PIK3C2G: variants seen among roughly 807,000 people sequenced by gnomAD.
PIK3C2G encodes the protein phosphatidylinositol 3-kinase C2 domain-containing subunit gamma.
A neutral mutation model predicts 181.1 loss-of-function variants in PIK3C2G; 168 were observed. That is an observed-to-expected ratio of 0.93 (90% CI 0.82 to 1.05). PIK3C2G has a LOEUF of 1.05. Ranked by LOEUF, PIK3C2G falls within the 50% of genes least tolerant of loss-of-function variation. PIK3C2G has a pLI of 0.00. For synonymous variants in PIK3C2G, 573 were observed against 592.2 expected, an observed-to-expected ratio of 0.97 and a Z score of 0.47; for missense variants, 1,869 against 1,732.8, an observed-to-expected ratio of 1.08 and a Z score of -1.40.
chr12:18,702,190 T>A, the PIK3C2G span, among the ~76,000 whole-genome samples: 9 of 152,196 alleles, frequency 5.9e-5, no homozygotes, highest in Non-Finnish European at 1.0e-4. Context: ...TGAAATCAGG[T>A]ATATTAAAAT....
intron 16 of PIK3C2G, among the ~76,000 whole-genome samples, chr12:18,413,883 T>C (rs953146970): frequency 2.0e-5 from 3 of 152,140 alleles, no homozygotes; most frequent in Non-Finnish European, 4.4e-5. Context: ...CACACCAAAG[T>C]CAGAGAAATA....
upstream of PIK3C2G, among the ~76,000 whole-genome samples, chr12:18,260,048 A>T (rs1948195632): frequency 6.6e-6 from 1 of 152,142 alleles, no homozygotes; most frequent in Non-Finnish European, 1.5e-5. Context: ...TACAAGGTAC[A>T]TTTTTGTACC....
At chr12:18,520,644 T>C (rs1942848732) in intron 24 of PIK3C2G, among the ~76,000 whole-genome samples, 1 of 152,180 alleles carries the variant, frequency 6.6e-6, no homozygotes, top group Admixed American at 6.5e-5. Flanking sequence ...TTAGCTTCTT[T>C]GCATTGGGTT....
chr12:18,382,939 C>A (rs1373764084), intron 14 of PIK3C2G, among the ~76,000 whole-genome samples: 1 of 152,070 alleles, frequency 6.6e-6, no homozygotes, highest in Non-Finnish European at 1.5e-5. Context: ...CACACTCTTG[C>A]AGAGGAAGAT....
At chr12:18,271,939 T>C (rs1948762756) in intron 1 of PIK3C2G, among the ~76,000 whole-genome samples, 1 of 152,162 alleles carries the variant, frequency 6.6e-6, no homozygotes, top group South Asian at 2.1e-4. Context: ...TAATGTGCTA[T>C]TAGAAATTGA....
At chr12:18,503,195 C>A in intron 22 of PIK3C2G, 86 bp from the exon 23 acceptor site, 2 of 960,886 alleles carry the variant, frequency 2.1e-6, no homozygotes, top group East Asian at 2.6e-5. Context: ...TCCAGTAGTG[C>A]TGGAAGCTAT....
chr12:18,395,000 C>T (rs1317776503), intron 15 of PIK3C2G, among the ~76,000 whole-genome samples: 1 of 148,022 alleles, frequency 6.8e-6, no homozygotes, highest in Admixed American at 6.7e-5. Flanking sequence ...TCTTTTCTTT[C>T]TCTTTCTTTC....
downstream of PIK3C2G, among the ~76,000 whole-genome samples, chr12:18,648,684 G>T (rs1205816916): frequency 6.6e-6 from 1 of 151,818 alleles, no homozygotes; most frequent in Non-Finnish European, 1.5e-5. Flanking sequence ...GTTATGCCTG[G>T]ACTCCAAGAT....
At chr12:18,575,859 T>A (rs1946208812) in intron 29 of PIK3C2G, among the ~76,000 whole-genome samples, 1 of 152,240 alleles carries the variant, frequency 6.6e-6, no homozygotes, top group Admixed American at 6.5e-5. Flanking sequence ...CTCTTACCAA[T>A]GTTTATTAGT....
the PIK3C2G span, among the ~76,000 whole-genome samples, chr12:18,725,762 T>A: frequency 6.6e-6 from 1 of 152,254 alleles, no homozygotes; most frequent in African/African-American, 2.4e-5. Context: ...ATGGTACCTA[T>A]GTTTCTCGTT....
At chr12:18,543,112 G>A (rs1373013677) in intron 25 of PIK3C2G, among the ~76,000 whole-genome samples, 1 of 151,428 alleles carries the variant, frequency 6.6e-6, no homozygotes, top group Non-Finnish European at 1.5e-5. Flanking sequence ...ATCTCATTGT[G>A]GTTTTGATTT....
intron 5 of PIK3C2G, among the ~76,000 whole-genome samples, chr12:18,310,779 AT>A (rs1359865572): frequency 6.6e-6 from 1 of 151,990 alleles, no homozygotes; most frequent in African/African-American, 2.4e-5. Flanking sequence ...AAAAGAAACA[AT>A]ATAGTTAATA....
chr12:18,527,425 T>G (rs1345218430), intron 24 of PIK3C2G, among the ~76,000 whole-genome samples: 3 of 152,202 alleles, frequency 2.0e-5, no homozygotes, highest in Non-Finnish European at 4.4e-5. Flanking sequence ...ATTTTGATTA[T>G]GCACATGGTA....
chr12:18,423,635 T>C (rs12425813), intron 17 of PIK3C2G, among the ~76,000 whole-genome samples: 30,976 of 152,088 alleles, frequency 0.2, 3,396 homozygotes, highest in Admixed American at 0.33. Flanking sequence ...TAATATTGTA[T>C]TTAATAATCC....
At chr12:18,541,400 A>C (rs1944146313) in intron 25 of PIK3C2G, among the ~76,000 whole-genome samples, 1 of 151,908 alleles carries the variant, frequency 6.6e-6, no homozygotes, top group Non-Finnish European at 1.5e-5. Flanking sequence ...GAGTTCCCGA[A>C]AATAAAAGCC....
chr12:18,709,317 G>A, the PIK3C2G span, among the ~76,000 whole-genome samples: 3 of 151,970 alleles, frequency 2.0e-5, no homozygotes, highest in Non-Finnish European at 4.4e-5. Flanking sequence ...CAAAAATTAG[G>A]TTGACCATAT....
chr12:18,671,996 C>T, the PIK3C2G span, among the ~76,000 whole-genome samples: 1 of 152,112 alleles, frequency 6.6e-6, no homozygotes, highest in African/African-American at 2.4e-5. Context: ...TACATGAGGG[C>T]TACATCATGA....
At chr12:18,293,423 A>G (rs1949796861) in intron 4 of PIK3C2G, among the ~76,000 whole-genome samples, 1 of 152,178 alleles carries the variant, frequency 6.6e-6, no homozygotes, top group African/African-American at 2.4e-5. Flanking sequence ...ACTAGTGTAA[A>G]TGCCCTGAAA....
intron 30 of PIK3C2G, among the ~76,000 whole-genome samples, chr12:18,596,182 T>A (rs1322204594): frequency 6.6e-6 from 1 of 151,962 alleles, no homozygotes. Context: ...TTGATTTTGG[T>A]TTTTTCTCTC....
Sources: allele counts gnomAD v4.1 joint callset (sites outside exome capture counted in the v4.1 genomes callset), GRCh38; gene constraint gnomAD v4.1.1; transcripts MANE v1.5; gene names NCBI Gene and HGNC (gene_info 2026-07-23, HGNC 2026-07-21).